The following COP1 variants were observed in gnomAD, a reference collection of about 807,000 sequenced individuals.
COP1 encodes the protein E3 ubiquitin-protein ligase COP1.
A neutral mutation model predicts 101.3 loss-of-function variants in COP1; 24 were observed. The observed-to-expected ratio is 0.24, with a 90% CI of 0.17 to 0.33. The LOEUF is 0.33. COP1 is among the 10% of genes least tolerant of loss of function. COP1 has a pLI of 1.00. For missense variants in COP1, 663 were observed against 906.2 expected (o/e 0.73, Z 3.45); for synonymous variants, 347 against 341.9 (o/e 1.01, Z -0.17).
chr1:176,160,838 G>A (rs1166924042), intron 5 of COP1, among the ~76,000 whole-genome samples: 1 of 152,180 alleles, frequency 6.6e-6, no homozygotes, highest in African/African-American at 2.4e-5. Flanking sequence ...TGCCTGTTAT[G>A]AAGCAGTCCA....
chr1:176,080,143 A>C (rs575011947), intron 11 of COP1, among the ~76,000 whole-genome samples: 8 of 152,238 alleles, frequency 5.3e-5, no homozygotes, highest in Non-Finnish European at 1.2e-4. Context: ...GCTGTATGCA[A>C]TAAACACAAT....
intron 3 of COP1, among the ~76,000 whole-genome samples, chr1:176,165,353 ATGTGTGTCGTGTGTG>A (rs1694929602): frequency 7.3e-6 from 1 of 137,114 alleles, no homozygotes; most frequent in Non-Finnish European, 1.6e-5. Context: ...AGAGAGAGAG[ATGTGTGTCGTGTGTG>A]TGTGTGTGTG....
rs142398548 is a variant in COP1, at chr1:176,013,279, A to T, written c.1729+14293T>A. On this transcript the variant is annotated intron_variant, in intron 15 of 19. Transcript: ENST00000367669. The stretch of plus-strand genomic sequence containing the variant: ...AGTATGTAACTCATCCCAAAAATAT[A>T]TGATTATAGTAAGAAAAGAAAATAC... Among the ~76,000 whole-genome samples the T allele has an allele frequency of 2.6e-3, 399 of 152,318 alleles. 3 individuals are homozygous for T. The highest frequency in any genetic ancestry group is 9.2e-3 in the African/African-American group (381 of 41,576).
chr1:176,183,151 T>C (rs12408191), intron 2 of COP1, among the ~76,000 whole-genome samples: 10,231 of 152,236 alleles, frequency 0.067, 426 homozygotes, highest in Middle Eastern at 0.12. Context: ...GCAGAGGGAA[T>C]ACACCTATCA....
intron 19 of COP1, among the ~76,000 whole-genome samples, chr1:175,945,461 A>G (rs1364687621): frequency 6.6e-6 from 1 of 152,208 alleles, no homozygotes; most frequent in Non-Finnish European, 1.5e-5. Context: ...GCACAAATAC[A>G]TTTTTGGAAT....
intron 11 of COP1, among the ~76,000 whole-genome samples, chr1:176,048,540 T>A (rs1488242251): frequency 6.6e-6 from 1 of 152,214 alleles, no homozygotes; most frequent in Non-Finnish European, 1.5e-5. Context: ...TATTCATCTA[T>A]CCCAACTCAA....
chr1:176,058,508 T>C (rs925866302), intron 11 of COP1, among the ~76,000 whole-genome samples: 10 of 152,138 alleles, frequency 6.6e-5, no homozygotes, highest in South Asian at 2.1e-4. Flanking sequence ...CAGGGTTAAA[T>C]GGATTAAGGG....
At chr1:176,148,725 G>C (rs1373211544) in intron 6 of COP1, among the ~76,000 whole-genome samples, 1 of 152,034 alleles carries the variant, frequency 6.6e-6, no homozygotes, top group African/African-American at 2.4e-5. Flanking sequence ...AGGGTAAGCT[G>C]TTATTTAATA....
chr1:176,088,480 T>G (rs890915332), intron 9 of COP1, among the ~76,000 whole-genome samples: 1 of 152,234 alleles, frequency 6.6e-6, no homozygotes, highest in Non-Finnish European at 1.5e-5. Context: ...TATGTTCATC[T>G]CGGTATTGTG....
At chr1:176,176,790 G>A (rs761558518) in intron 2 of COP1, among the ~76,000 whole-genome samples, 9 of 149,388 alleles carry the variant, frequency 6.0e-5, no homozygotes, top group African/African-American at 2.2e-4. Context: ...CCTGAGTGAC[G>A]GAATGAGACC....
intron 3 of COP1, among the ~76,000 whole-genome samples, chr1:176,167,370 C>T (rs1348563707): frequency 5.3e-5 from 8 of 152,140 alleles, no homozygotes; most frequent in African/African-American, 1.4e-4. Flanking sequence ...TGTCCACCAT[C>T]GTGGTCCCTG....
chr1:176,188,484 T>C (rs1273209842), intron 1 of COP1, among the ~76,000 whole-genome samples: 1 of 152,140 alleles, frequency 6.6e-6, no homozygotes, highest in Non-Finnish European at 1.5e-5. Flanking sequence ...ATTCAGGACC[T>C]CTGTAACACT....
intron 18 of COP1, among the ~76,000 whole-genome samples, chr1:175,956,295 CAT>C (rs1360759796): frequency 1.3e-5 from 2 of 151,806 alleles, no homozygotes; most frequent in African/African-American, 4.8e-5. Flanking sequence ...GTGAAACAAC[CAT>C]ATGTGTGCTA....
At chr1:176,028,696 CATATATATAT>C (rs369887649) in intron 14 of COP1, among the ~76,000 whole-genome samples, 1,174 of 47,912 alleles carry the variant, frequency 0.025, 74 homozygotes, top group Middle Eastern at 0.037. Flanking sequence ...ATATTTGTTT[CATATATATAT>C]ATATATATAT....
intron 9 of COP1, among the ~76,000 whole-genome samples, chr1:176,103,895 C>A (rs1360968971): frequency 1.3e-5 from 2 of 151,872 alleles, no homozygotes; most frequent in Admixed American, 6.6e-5. Flanking sequence ...ATAAAAAATA[C>A]CAAGAAGCTT....
At chr1:176,176,327 C>A (rs932696854) in intron 2 of COP1, among the ~76,000 whole-genome samples, 2 of 152,124 alleles carry the variant, frequency 1.3e-5, no homozygotes, top group African/African-American at 4.8e-5. Context: ...GCCTACAGCT[C>A]AGTTAAGCAA....
chr1:175,992,790 G>A (rs1387944482), intron 15 of COP1, among the ~76,000 whole-genome samples: 35 of 152,234 alleles, frequency 2.3e-4, no homozygotes, highest in Admixed American at 2.3e-3. Context: ...AGGCCTGCCT[G>A]CCTCTGTAGG....
intron 8 of COP1, among the ~76,000 whole-genome samples, chr1:176,133,373 G>C (rs1689267854): frequency 6.6e-6 from 1 of 151,320 alleles, no homozygotes; most frequent in Admixed American, 6.6e-5. Flanking sequence ...CCAATATCAA[G>C]TGTCATATAT....
chr1:176,138,022 T>C (rs754700296), intron 6 of COP1, among the ~76,000 whole-genome samples: 6 of 151,984 alleles, frequency 3.9e-5, no homozygotes, highest in Non-Finnish European at 8.8e-5. Flanking sequence ...ATAGACCACA[T>C]CTAATGTAGA....
Sources: allele counts gnomAD v4.1 joint callset (sites outside exome capture counted in the v4.1 genomes callset), GRCh38; gene constraint gnomAD v4.1.1; transcripts MANE v1.5; gene names NCBI Gene and HGNC (gene_info 2026-07-23, HGNC 2026-07-21).